Variants in FAR2 observed in about 807,000 individuals in gnomAD.
The protein encoded by FAR2 is epididymis secretory protein Li 81.
FAR2 carries 19 observed loss-of-function variants against 56.0 expected under a neutral mutation model. That is an observed-to-expected ratio of 0.34 (90% CI 0.24 to 0.50). FAR2 has a LOEUF of 0.50. Among genes scored for constraint, FAR2 ranks in the 20% least tolerant of loss-of-function variants. The pLI, the probability that FAR2 is intolerant of heterozygous loss-of-function variation, is 0.98. For missense variants in FAR2, 508 were observed against 642.2 expected, an observed-to-expected ratio of 0.79 and a Z score of 2.26; for synonymous variants, 219 against 218.8, an observed-to-expected ratio of 1.00 and a Z score of -0.01.
At chr12:29,264,522 C>T (rs1304327608) in intron 1 of FAR2, among the ~76,000 whole-genome samples, 2 of 151,798 alleles carry the variant, frequency 1.3e-5, no homozygotes, top group Non-Finnish European at 2.9e-5. Context: ...TGCCTGTAAT[C>T]CTAGCACTTT....
rs139014501 is a variant in FAR2, at chr12:29,215,197, C to T, written c.-38-55215C>T. On this transcript the variant is annotated intron_variant, in intron 1 of 11. Coordinates refer to ENST00000536681, the MANE Select transcript of FAR2 (RefSeq NM_001271783.2). ...GATGTATAATGAAGAGTTTACATTT[C>T]ATTTGATTAACAAAAATAGATACAT... 1.5e-3 allele frequency among the ~76,000 whole-genome samples: 224 copies of T among 152,262 alleles called. 1 individual carries two copies. The South Asian group carries it at 0.022, about 15-fold the overall frequency.
chr12:29,223,530 C>T (rs1011789104), intron 1 of FAR2: 2 of 152,190 alleles, frequency 1.3e-5, no homozygotes, highest in East Asian at 1.9e-4. Context: ...TTTCTGATCA[C>T]CATAGAGATA....
At chr12:29,175,101 A>T (rs1468685699) in intron 1 of FAR2, among the ~76,000 whole-genome samples, 2 of 152,214 alleles carry the variant, frequency 1.3e-5, no homozygotes, top group African/African-American at 4.8e-5. Flanking sequence ...ACTGGCTGAC[A>T]GGTGCCCAGT....
At position 29,332,697 on chromosome 12, in the gene FAR2, G is replaced by A; in HGVS notation, c.1355G>A (p.Gly452Glu). The A allele has an allele frequency of 6.2e-7, 1 of 1,613,546 alleles. No individual in the cohort carries two copies. Among genetic ancestry groups the A allele is most frequent in the South Asian group, 1.1e-5 (1 of 91,060 alleles). The change falls in exon 11 of 12, where the codon GGG (glycine) becomes GAG (glutamate). Residue 452 changes from glycine (G) to glutamate (E), a missense_variant. Coordinates refer to ENST00000536681, the MANE Select transcript of FAR2 (RefSeq NM_001271783.2). ...KKYLLKEDMAGIPKAKQRLKR... is the reference protein window; with the variant it reads ...KKYLLKEDMAEIPKAKQRLKR... ...TACTTATTGAAAGAGGATATGGCTG[G>A]GATCCCAAAAGCAAAGCAACGCTTA...
intron 1 of FAR2, among the ~76,000 whole-genome samples, chr12:29,158,382 T>C (rs1050497083): frequency 6.6e-6 from 1 of 152,250 alleles, no homozygotes; most frequent in Non-Finnish European, 1.5e-5. Context: ...TACCAAACTA[T>C]TCTCAAAGCT....
chr12:29,184,278 G>A (rs1030771314), intron 1 of FAR2, among the ~76,000 whole-genome samples: 1 of 152,058 alleles, frequency 6.6e-6, no homozygotes, highest in Admixed American at 6.6e-5. Flanking sequence ...AAATAAAGAG[G>A]TGTAGGCAAG....
chr12:29,254,565 G>C (rs1035262121), intron 1 of FAR2, among the ~76,000 whole-genome samples: 1 of 152,110 alleles, frequency 6.6e-6, no homozygotes, highest in Non-Finnish European at 1.5e-5. Flanking sequence ...ATACCTGGCC[G>C]TATTGTCACA....
chr12:29,234,277 A>G (rs1947901442), intron 1 of FAR2, among the ~76,000 whole-genome samples: 1 of 152,134 alleles, frequency 6.6e-6, no homozygotes, highest in Admixed American at 6.6e-5. Flanking sequence ...AGCTTCTCTC[A>G]TAATCTTTTT....
intron 1 of FAR2, among the ~76,000 whole-genome samples, chr12:29,185,831 A>G (rs955422140): frequency 1.3e-5 from 2 of 152,148 alleles, no homozygotes; most frequent in African/African-American, 4.8e-5. Flanking sequence ...TACAAGGGAC[A>G]CGCCCATTCA....
chr12:29,268,677 A>G (rs866032398), intron 1 of FAR2, among the ~76,000 whole-genome samples: 1 of 152,306 alleles, frequency 6.6e-6, no homozygotes. Context: ...CAACTCAAGG[A>G]AGAGATTAAC....
At chr12:29,296,536 C>A (rs1949074371) in intron 3 of FAR2, among the ~76,000 whole-genome samples, 1 of 152,170 alleles carries the variant, frequency 6.6e-6, no homozygotes, top group Non-Finnish European at 1.5e-5. Flanking sequence ...GCTTTGCATT[C>A]TACTAGCTGC....
chr12:29,229,061 T>G (rs1035274323), intron 1 of FAR2, among the ~76,000 whole-genome samples: 1 of 152,224 alleles, frequency 6.6e-6, no homozygotes, highest in African/African-American at 2.4e-5. Flanking sequence ...AGCATTTTAA[T>G]GCAAGAAAGA....
At chr12:29,232,722 G>T (rs1274054884) in intron 1 of FAR2, among the ~76,000 whole-genome samples, 1 of 151,762 alleles carries the variant, frequency 6.6e-6, no homozygotes, top group Non-Finnish European at 1.5e-5. Flanking sequence ...GTCTTTCATA[G>T]TTTTGGCACC....
intron 1 of FAR2, among the ~76,000 whole-genome samples, chr12:29,268,915 G>A (rs1948566057): frequency 6.6e-6 from 1 of 152,282 alleles, no homozygotes; most frequent in Admixed American, 6.5e-5. Flanking sequence ...GTGCAAATAG[G>A]TGTGGGTCAC....
intron 10 of FAR2, among the ~76,000 whole-genome samples, chr12:29,329,720 C>T (rs1265506171): frequency 2.0e-5 from 3 of 152,146 alleles, no homozygotes; most frequent in Admixed American, 2.0e-4. Context: ...CTGGAACAAT[C>T]GCATCTGCTC....
chr12:29,204,399 A>G (rs1259462394), intron 1 of FAR2, among the ~76,000 whole-genome samples: 2 of 152,180 alleles, frequency 1.3e-5, no homozygotes, highest in East Asian at 3.9e-4. Flanking sequence ...ATTAACATGA[A>G]TCTGACAGAT....
intron 1 of FAR2, among the ~76,000 whole-genome samples, chr12:29,255,517 A>T (rs1231363814): frequency 3.9e-5 from 6 of 152,238 alleles, no homozygotes; most frequent in Non-Finnish European, 8.8e-5. Flanking sequence ...ACTTAAATAT[A>T]TCTTAAACTA....
intron 1 of FAR2, among the ~76,000 whole-genome samples, chr12:29,253,098 A>G (rs1456453225): frequency 6.6e-6 from 1 of 152,038 alleles, no homozygotes; most frequent in Non-Finnish European, 1.5e-5. Context: ...CTGCTAGCCT[A>G]ACCTGCAGAT....
chr12:29,247,416 T>C (rs553677392), intron 1 of FAR2, among the ~76,000 whole-genome samples: 1 of 152,302 alleles, frequency 6.6e-6, no homozygotes, highest in African/African-American at 2.4e-5. Flanking sequence ...GCCACTATCA[T>C]CTTTTGGTTG....
Sources: allele counts gnomAD v4.1 joint callset (sites outside exome capture counted in the v4.1 genomes callset), GRCh38; gene constraint gnomAD v4.1.1; transcripts MANE v1.5; gene names NCBI Gene and HGNC (gene_info 2026-07-23, HGNC 2026-07-21).